The following AVL9 variants were observed in gnomAD, a reference collection of about 807,000 sequenced individuals.
The protein encoded by AVL9 is late secretory pathway protein AVL9 homolog.
Under a neutral mutation model 79.2 loss-of-function variants are expected in AVL9, and 49 were observed. The observed-to-expected ratio is 0.62, with a 90% CI of 0.49 to 0.79. The LOEUF (loss-of-function observed/expected upper bound fraction) is 0.79, where lower values mean the gene tolerates loss of function less well. Ranked by LOEUF, AVL9 falls within the 30% of genes least tolerant of loss-of-function variation. The pLI, the probability that AVL9 is intolerant of heterozygous loss-of-function variation, is 0.00. For synonymous variants in AVL9, 299 were observed against 280.6 expected, an observed-to-expected ratio of 1.07 and a Z score of -0.65; for missense variants, 682 against 776.8, an observed-to-expected ratio of 0.88 and a Z score of 1.45.
Position 32,498,343 on chromosome 7 carries a change from G to A in AVL9, c.93+2541G>A, listed in dbSNP as rs189886835. On this transcript the variant is annotated intron_variant, in intron 1 of 15. Transcript: ENST00000318709. ...CACTCACTGCAACTTTCACCTCCTG[G>A]GTTCAAGTGATTCTCCTGCCTCAGC... 7.7e-4 allele frequency among the ~76,000 whole-genome samples: 114 copies of A among 148,630 alleles called. 1 individual carries two copies. The highest frequency in any genetic ancestry group is 2.5e-3 in the African/African-American group (100 of 40,298).
At chr7:32,572,007 C>G (rs1790868072) in intron 11 of AVL9, among the ~76,000 whole-genome samples, 1 of 151,800 alleles carries the variant, frequency 6.6e-6, no homozygotes, top group African/African-American at 2.4e-5. Flanking sequence ...ACTAAAAATA[C>G]AAAAATTAGC....
At chr7:32,542,919 C>T (rs985862471) in intron 1 of AVL9, among the ~76,000 whole-genome samples, 29 of 152,260 alleles carry the variant, frequency 1.9e-4, no homozygotes, top group Middle Eastern at 3.4e-3. Flanking sequence ...GTTTAACCGA[C>T]CTTAAATCAG....
intron 2 of AVL9, 134 bp from the exon 3 acceptor site, chr7:32,544,560 A>C: frequency 1.6e-6 from 1 of 631,046 alleles, no homozygotes; most frequent in Non-Finnish European, 2.7e-6. Flanking sequence ...TGGTGCTACA[A>C]ATAAGTATGA....
rs558356102 is a variant in AVL9 at position 32,525,487 on chromosome 7, C to T, written c.94-17654C>T. Among the ~76,000 whole-genome samples, 10 of 152,268 alleles carry T rather than the reference C, an allele frequency of 6.6e-5. No individual in the cohort carries two copies. In the South Asian group the frequency reaches 2.1e-3, roughly 32 times the overall value. Reference sequence around the variant, plus strand: ...GAACTTATTTTGCACACAAATTGGTCTTACTACAATTTCTCTTTAATAGAA... The same window carrying T: ...GAACTTATTTTGCACACAAATTGGTTTTACTACAATTTCTCTTTAATAGAA... On this transcript the variant is annotated intron_variant, in intron 1 of 15. Coordinates refer to ENST00000318709, the MANE Select transcript of AVL9 (RefSeq NM_015060.3).
intron 5 of AVL9, 100 bp downstream of exon 5, chr7:32,551,523 G>A (rs3213972): frequency 0.56 from 294,518 of 525,748 alleles, 82,092 homozygotes; most frequent in Admixed American, 0.69. Context: ...ATTACCTTAA[G>A]AAAGACATTC....
In AVL9 at chr7:32,585,659, A is replaced by T. The variant is rs1791743561; in HGVS notation, c.*1752A>T. The T allele has an allele frequency of 6.6e-6, 1 of 152,254 alleles. No homozygotes were observed. The highest frequency in any genetic ancestry group is 1.5e-5 in the Non-Finnish European group (1 of 68,040). The allele number at this position is 152,254 out of a possible 1,614,324, so 9.4% of individuals were successfully genotyped here. A position where few individuals can be genotyped will look rare whatever the true frequency, so the allele number is the denominator to read the frequency against. ...AGGCATTTGAAATGAACATAGAAACATAATCTAAATGTCTCTAAATTTTCC... is the reference window on the plus strand; with the variant it reads ...AGGCATTTGAAATGAACATAGAAACTTAATCTAAATGTCTCTAAATTTTCC... On this transcript the variant is annotated 3_prime_UTR_variant, in exon 16 of 16. Transcript: ENST00000318709.
At chr7:32,502,231 G>A (rs1787157500) in intron 1 of AVL9, among the ~76,000 whole-genome samples, 2 of 151,816 alleles carry the variant, frequency 1.3e-5, no homozygotes, top group African/African-American at 2.4e-5. Context: ...CAGGTTTGGA[G>A]GTGCATGCCT....
intron 1 of AVL9, among the ~76,000 whole-genome samples, chr7:32,523,424 A>C (rs1788254695): frequency 6.6e-6 from 1 of 151,688 alleles, no homozygotes; most frequent in Admixed American, 6.6e-5. Flanking sequence ...TTTTTTAACC[A>C]GGTAAGGTAA....
chr7:32,582,133 G>T (rs902617506), intron 15 of AVL9, among the ~76,000 whole-genome samples: 1 of 152,094 alleles, frequency 6.6e-6, no homozygotes, highest in Non-Finnish European at 1.5e-5. Flanking sequence ...TTTTGATGTA[G>T]TTTCAAACCT....
intron 10 of AVL9, among the ~76,000 whole-genome samples, chr7:32,563,717 T>C (rs1186728404): frequency 6.6e-6 from 1 of 152,068 alleles, no homozygotes; most frequent in East Asian, 1.9e-4. Context: ...GCTTGAACAA[T>C]GTATGTATTC....
At position 32,559,127 on chromosome 7, in the gene AVL9, C is replaced by T. The variant is rs761789355; in HGVS notation, c.878C>T (p.Thr293Ile). Reference protein sequence around the residue: ...GNHGEDAAMKTEEPLFQVEDS... With the variant: ...GNHGEDAAMKIEEPLFQVEDS... Reference sequence around the variant, plus strand: ...CATGGAGAAGATGCTGCCATGAAGACTGAGGAGCCTTTGTTCCAAGTGGAA... The same window carrying T: ...CATGGAGAAGATGCTGCCATGAAGATTGAGGAGCCTTTGTTCCAAGTGGAA... The change falls in exon 10 of 16, where the codon ACT (threonine) becomes ATT (isoleucine). Residue 293 changes from threonine (T) to isoleucine (I), a missense_variant. Coordinates refer to ENST00000318709, the MANE Select transcript of AVL9 (RefSeq NM_015060.3). The T allele has an allele frequency of 8.1e-6, 13 of 1,613,840 alleles. No homozygotes were observed. Among genetic ancestry groups the T allele is most frequent in the South Asian group, 6.6e-5 (6 of 91,044 alleles).
chr7:32,540,190 A>G (rs1230669087), intron 1 of AVL9, among the ~76,000 whole-genome samples: 1 of 152,234 alleles, frequency 6.6e-6, no homozygotes, highest in East Asian at 1.9e-4. Flanking sequence ...ACCACTCATG[A>G]TGAATATTTA....
intron 8 of AVL9, among the ~76,000 whole-genome samples, chr7:32,556,546 T>G (rs1190537495): frequency 6.6e-6 from 1 of 152,052 alleles, no homozygotes; most frequent in Admixed American, 6.6e-5. Context: ...AATGAATGAG[T>G]ATTCCTTCAA....
chr7:32,553,674 C>T, intron 6 of AVL9, 53 bp from the exon 7 acceptor site: 1 of 1,375,800 alleles, frequency 7.3e-7, no homozygotes, highest in South Asian at 1.3e-5. Flanking sequence ...AACCTTTCTG[C>T]AGCAAAAACA....
At position 32,566,180 on chromosome 7, in the gene AVL9, A is replaced by ATTTTTTTTTTTTTTTTTT. The variant is rs200639479; in HGVS notation, c.1216-3828_1216-3827insTTTTTTTTTTTTTTTTTT. 5.6e-4 allele frequency among the ~76,000 whole-genome samples: 53 copies of ATTTTTTTTTTTTTTTTTT among 93,812 alleles called. 4 individuals carry two copies. Among genetic ancestry groups the ATTTTTTTTTTTTTTTTTT allele is most frequent in the African/African-American group, 7.5e-4 (18 of 24,052 alleles). The allele number at this position is 93,812 out of a possible 152,430, so 61.5% of individuals were successfully genotyped here. The stretch of plus-strand genomic sequence containing the variant: ...TAAAAAAATTTTAATTATTATTATT[A>ATTTTTTTTTTTTTTTTTT]TTTTTTTTTTTTGGAGACAAGGTCT... On this transcript the variant is annotated intron_variant, in intron 10 of 15. Coordinates refer to ENST00000318709, the MANE Select transcript of AVL9 (RefSeq NM_015060.3).
intron 13 of AVL9, 66 bp from the exon 14 acceptor site, chr7:32,580,153 G>T (rs967202312): frequency 1.6e-5 from 20 of 1,261,436 alleles, no homozygotes; most frequent in Middle Eastern, 1.9e-4. Context: ...ATATTTTCTT[G>T]TGATAACTCT....
chr7:32,503,363 T>TACACACACACACACACACAC (rs1199472851), intron 1 of AVL9, among the ~76,000 whole-genome samples: 1 of 100,310 alleles, frequency 1.0e-5, no homozygotes, highest in Non-Finnish European at 2.0e-5. Context: ...TATAGAGAGA[T>TACACACACACACACACACAC]ATATATATAT....
intron 13 of AVL9, among the ~76,000 whole-genome samples, chr7:32,577,169 C>G (rs1583603343): frequency 6.6e-6 from 1 of 152,044 alleles, no homozygotes; most frequent in Non-Finnish European, 1.5e-5. Context: ...CCTGTATCTA[C>G]TAAAAATACA....
At chr7:32,570,953 G>A (rs576928982) in intron 11 of AVL9, among the ~76,000 whole-genome samples, 36 of 146,858 alleles carry the variant, frequency 2.5e-4, no homozygotes, top group Middle Eastern at 3.5e-3. Flanking sequence ...TATGAGGCTC[G>A]GCGCAGTGGC....
Sources: gnomAD v4.1 joint callset for allele counts (sites outside exome capture counted in the v4.1 genomes callset) on GRCh38, gnomAD v4.1.1 for gene constraint, MANE v1.5 for transcripts, NCBI Gene and HGNC (gene_info 2026-07-23, HGNC 2026-07-21) for gene names.